The following WDR59 variants were observed in gnomAD, a reference collection of about 807,000 sequenced individuals.
The protein encoded by WDR59 is WD repeat domain 59.
WDR59 carries 100 observed loss-of-function variants against 131.2 expected under a neutral mutation model. That is an observed-to-expected ratio of 0.76 (90% confidence interval 0.65 to 0.90). The LOEUF (loss-of-function observed/expected upper bound fraction) is 0.90, where lower values mean the gene tolerates loss of function less well. Among genes scored for constraint, WDR59 ranks in the 40% least tolerant of loss-of-function variants. WDR59 has a pLI of 0.00. For missense variants in WDR59, 1,203 were observed against 1,262.2 expected, an observed-to-expected ratio of 0.95 and a Z score of 0.71; for synonymous variants, 601 against 466.2, an observed-to-expected ratio of 1.29 and a Z score of -3.72.
At position 74,908,933 on chromosome 16, in the gene WDR59, C is replaced by G. The variant is rs1240388691; in HGVS notation, c.1687G>C (p.Val563Leu). 3 of 1,614,028 alleles carry G rather than the reference C, an allele frequency of 1.9e-6. No individual in the cohort carries two copies. Among genetic ancestry groups the G allele is most frequent in the East Asian group, 4.5e-5 (2 of 44,900 alleles). The change falls in exon 17 of 26, where the codon GTG becomes CTG. Residue 563 changes from valine to leucine, a missense_variant. Val to Leu is a conservative substitution (Grantham distance 32). Transcript: ENST00000262144. Reference sequence around the variant, plus strand: ...CTCGGAGTAGGCTCTGTGGGAGACACCGCCCGATGCATTGTCATGGGCCTT... The same window carrying G: ...CTCGGAGTAGGCTCTGTGGGAGACAGCGCCCGATGCATTGTCATGGGCCTT... The part of the protein sequence containing the change: ...FTRPMTMHRA[V>L]SPTEPTPRSL...
chr16:74,981,916 A>G (rs984462584), intron 1 of WDR59, among the ~76,000 whole-genome samples: 3 of 132,282 alleles, frequency 2.3e-5, no homozygotes, highest in African/African-American at 8.4e-5. Flanking sequence ...TCGGCCTCCC[A>G]AAGTGGTGGG....
intron 8 of WDR59, among the ~76,000 whole-genome samples, chr16:74,931,088 G>A (rs1254363945): frequency 6.6e-6 from 1 of 151,812 alleles, no homozygotes; most frequent in Non-Finnish European, 1.5e-5. Context: ...ATCTATGTGT[G>A]TTTTCCTGAC....
At chr16:74,982,675 G>A (rs1248819188) in intron 1 of WDR59, among the ~76,000 whole-genome samples, 1 of 152,216 alleles carries the variant, frequency 6.6e-6, no homozygotes, top group Non-Finnish European at 1.5e-5. Context: ...ACAGGAATAT[G>A]GTTCCTTTTC....
chr16:74,965,762 A>C lies in WDR59; in HGVS notation c.104+11T>G. On this transcript the variant is annotated intron_variant, in intron 2 of 25. Coordinates refer to ENST00000262144, the MANE Select transcript of WDR59 (RefSeq NM_030581.4). The stretch of plus-strand genomic sequence containing the variant: ...GAAATCATGGCAGACAAACTCGGCA[A>C]GCTTACTTACCCAGAAAGCACTGCA... 1 of 1,614,108 alleles carries C rather than the reference A, an allele frequency of 6.2e-7. No individual in the cohort carries two copies. The highest frequency in any genetic ancestry group is 1.1e-5 in the South Asian group (1 of 91,064).
intron 1 of WDR59, among the ~76,000 whole-genome samples, chr16:74,977,731 ATACTTATC>A (rs1290526967): frequency 6.6e-6 from 1 of 152,194 alleles, no homozygotes; most frequent in African/African-American, 2.4e-5. Flanking sequence ...ATTGGCCTTG[ATACTTATC>A]TACTTATAGC....
intron 18 of WDR59, among the ~76,000 whole-genome samples, chr16:74,896,047 C>G (rs1175747795): frequency 6.6e-6 from 1 of 151,862 alleles, no homozygotes; most frequent in Non-Finnish European, 1.5e-5. Flanking sequence ...CCCACAGGCC[C>G]CACATAACTG....
intron 11 of WDR59, among the ~76,000 whole-genome samples, chr16:74,917,047 G>C (rs865983113): frequency 1.3e-5 from 2 of 152,160 alleles, no homozygotes; most frequent in South Asian, 2.1e-4. Flanking sequence ...AATGTACCAA[G>C]CGCTGTGGGA....
At chr16:74,925,869 T>C (rs1271906966) in intron 8 of WDR59, among the ~76,000 whole-genome samples, 1 of 151,850 alleles carries the variant, frequency 6.6e-6, no homozygotes, top group Non-Finnish European at 1.5e-5. Flanking sequence ...TCTCCTCACC[T>C]AGCTGATTGG....
intron 2 of WDR59, 146 bp downstream of exon 2, chr16:74,965,627 G>A (rs1262423349): frequency 6.6e-6 from 6 of 911,938 alleles, no homozygotes; most frequent in South Asian, 4.7e-5. Context: ...TAATCCCTCC[G>A]AGTAGCCCTG....
rs200154570 is a variant in WDR59 at position 74,903,938 on chromosome 16, G to A, written c.1866+9C>T. The A allele has an allele frequency of 2.5e-4, 399 of 1,604,774 alleles. 1 individual carries two copies. In the African/African-American group the frequency reaches 4.8e-3, roughly 19 times the overall value. Reference sequence around the variant, plus strand: ...GGTAAGAATCAAAGGCTACGGCTCTGGCACTTACCCGCTCCTTGTAGTAGA... The same window carrying A: ...GGTAAGAATCAAAGGCTACGGCTCTAGCACTTACCCGCTCCTTGTAGTAGA... On this transcript the variant is annotated intron_variant, in intron 18 of 25. Coordinates refer to ENST00000262144, the MANE Select transcript of WDR59 (RefSeq NM_030581.4).
chr16:74,888,123 A>C, intron 22 of WDR59, 46 bp downstream of exon 22: 1 of 1,471,352 alleles, frequency 6.8e-7, no homozygotes, highest in Non-Finnish European at 9.0e-7. Flanking sequence ...GTCTCAAAAA[A>C]AAAAAAAAAA....
At chr16:74,946,625 G>A (rs913860501) in intron 6 of WDR59, among the ~76,000 whole-genome samples, 1 of 152,108 alleles carries the variant, frequency 6.6e-6, no homozygotes, top group African/African-American at 2.4e-5. Flanking sequence ...GGGAGGCGGA[G>A]GTGGGAGAAA....
intron 1 of WDR59, among the ~76,000 whole-genome samples, chr16:74,977,972 C>T (rs986682377): frequency 2.0e-5 from 3 of 152,148 alleles, no homozygotes; most frequent in Non-Finnish European, 4.4e-5. Flanking sequence ...CTTTGGGAGG[C>T]CAAGGTGGGA....
intron 9 of WDR59, 101 bp from the exon 10 acceptor site, chr16:74,922,204 T>A: frequency 6.8e-7 from 1 of 1,467,660 alleles, no homozygotes; most frequent in South Asian, 1.3e-5. Context: ...TAAAATAAAT[T>A]AGATAATGGA....
chr16:74,961,596 G>C (rs2033571857), intron 2 of WDR59, among the ~76,000 whole-genome samples: 1 of 152,092 alleles, frequency 6.6e-6, no homozygotes, highest in South Asian at 2.1e-4. Flanking sequence ...GTCTTCTTTT[G>C]AGAGGTGTCT....
chr16:74,926,003 TA>T (rs34876405), intron 8 of WDR59, among the ~76,000 whole-genome samples: 81,364 of 135,786 alleles, frequency 0.6, 24,318 homozygotes, highest in East Asian at 0.74. Context: ...ATGTTTTTAA[TA>T]AAAAAAAAAA....
chr16:74,922,029 G>C lies in WDR59; in HGVS notation c.804C>G (p.Val268=), dbSNP rs762775857. The C allele has an allele frequency of 1.2e-6, 2 of 1,614,190 alleles. No homozygotes were observed. Among genetic ancestry groups the C allele is most frequent in the South Asian group, 1.1e-5 (1 of 91,080 alleles). The part of the protein sequence containing the change: ...RRENSLLLWN[V]FDLNTPVHTF... ...TGTGGACTGGGGTGTTCAAGTCAAA[G>C]ACATTCCACAGGAGAAGGCTGTTTT... The change falls in exon 10 of 26, where the codon GTC becomes GTG. Residue 268 remains valine (V), a synonymous_variant. Transcript: ENST00000262144.
At chr16:74,961,860 T>G (rs1597801428) in intron 2 of WDR59, among the ~76,000 whole-genome samples, 1 of 152,206 alleles carries the variant, frequency 6.6e-6, no homozygotes, top group East Asian at 1.9e-4. Context: ...ATAAAATCTT[T>G]GCCCATGCCT....
chr16:74,941,270 G>A (rs1380479920), intron 7 of WDR59, among the ~76,000 whole-genome samples: 1 of 151,056 alleles, frequency 6.6e-6, no homozygotes, highest in African/African-American at 2.4e-5. Context: ...GAGCCCAAGA[G>A]GTCGAGGCTG....
Sources: allele counts gnomAD v4.1 joint callset (sites outside exome capture counted in the v4.1 genomes callset), GRCh38; gene constraint gnomAD v4.1.1; transcripts MANE v1.5; gene names NCBI Gene and HGNC (gene_info 2026-07-23, HGNC 2026-07-21).